The following GOSR2 variants were observed in gnomAD, a reference collection of about 807,000 sequenced individuals.
GOSR2 encodes golgi SNAP receptor complex member 2.
GOSR2 carries 20 observed loss-of-function variants against 27.9 expected under a neutral mutation model. The ratio of observed to expected loss-of-function variants is 0.72; its 90% CI spans 0.50 to 1.04. GOSR2 has a LOEUF of 1.04. Ranked by LOEUF, GOSR2 falls within the 50% of genes least tolerant of loss-of-function variation. The probability of loss-of-function intolerance (pLI) is 0.00; values close to 1 mark genes in which losing one functional copy is unlikely to be tolerated. For synonymous variants in GOSR2, 91 were observed against 98.8 expected, an observed-to-expected ratio of 0.92 and a Z score of 0.47; for missense variants, 261 against 270.5, an observed-to-expected ratio of 0.97 and a Z score of 0.25.
downstream of GOSR2, among the ~76,000 whole-genome samples, chr17:46,943,164 TC>T (rs1472988599): frequency 1.3e-5 from 2 of 151,914 alleles, no homozygotes; most frequent in African/African-American, 4.8e-5. Context: ...CCCATGCACT[TC>T]CCCTGGCCGC....
At position 46,940,646 on chromosome 17, in the gene GOSR2, TC is replaced by T; in HGVS notation, c.*1890del. On this transcript the variant is annotated 3_prime_UTR_variant, in exon 6 of 6. Transcript: ENST00000640051. ...GTTCTTGAACTCTGGGAGGCAGAAG[TC>T]CCCGCACCCATCATGCGTGGACTGA... The T allele has an allele frequency of 6.2e-7, 1 of 1,613,804 alleles. No homozygotes were observed. The highest frequency in any genetic ancestry group is 8.5e-7 in the Non-Finnish European group (1 of 1,179,930).
At chr17:46,933,790 T>C (rs931004586) in intron 4 of GOSR2, among the ~76,000 whole-genome samples, 10 of 151,612 alleles carry the variant, frequency 6.6e-5, no homozygotes, top group Non-Finnish European at 1.3e-4. Flanking sequence ...TGGTGAGACA[T>C]TGTCTCTACA....
At position 46,941,048 on chromosome 17, in the gene GOSR2, A is replaced by C. The variant is rs1599076972; in HGVS notation, c.*2288A>C. The C allele has an allele frequency of 3.7e-6, 4 of 1,068,844 alleles. No homozygotes were observed. The highest frequency in any genetic ancestry group is 3.4e-6 in the Non-Finnish European group (3 of 878,950). 66.2% of individuals were successfully genotyped at this position (1,068,844 alleles called of 1,614,324 possible). A position where few individuals can be genotyped will look rare whatever the true frequency, so the allele number is the denominator to read the frequency against. ...TTCTTAGGTCGAGCTGATGCAAGAA[A>C]CTCCGGTAGCCAGCCTCTGTGACCT... On this transcript the variant is annotated 3_prime_UTR_variant, in exon 6 of 6. Transcript: ENST00000640051.
chr17:46,963,481 G>T (rs1342788897), intron 6 of GOSR2, among the ~76,000 whole-genome samples: 8 of 151,206 alleles, frequency 5.3e-5, no homozygotes. Context: ...GGAGGTGGAG[G>T]TTACAGTGAG....
chr17:46,961,057 A>T (rs1283490705), intron 6 of GOSR2, among the ~76,000 whole-genome samples: 1 of 152,236 alleles, frequency 6.6e-6, no homozygotes, highest in Non-Finnish European at 1.5e-5. Flanking sequence ...GGAATAAAAT[A>T]CTAGACAAAA....
downstream of GOSR2, among the ~76,000 whole-genome samples, chr17:46,943,553 G>A (rs959435053): frequency 2.6e-5 from 4 of 152,176 alleles, no homozygotes; most frequent in African/African-American, 9.7e-5. Flanking sequence ...CATACTGCAC[G>A]CTTCCTGCGG....
chr17:46,936,200 T>TA (rs1476242322), intron 5 of GOSR2: 2 of 985,512 alleles, frequency 2.0e-6, no homozygotes, highest in Non-Finnish European at 2.4e-6. Context: ...CCTGAACTGA[T>TA]ACATGTTGAT....
Position 46,940,934 on chromosome 17 carries a change from G to A in GOSR2, c.*2174G>A. The A allele has an allele frequency of 7.8e-7, 1 of 1,288,736 alleles. No individual in the cohort carries two copies. Among genetic ancestry groups the A allele is most frequent in the Non-Finnish European group, 9.9e-7 (1 of 1,007,468 alleles). The allele number at this position is 1,288,736 out of a possible 1,614,324, so 79.8% of individuals were successfully genotyped here. A position where few individuals can be genotyped will look rare whatever the true frequency, so the allele number is the denominator to read the frequency against. On this transcript the variant is annotated 3_prime_UTR_variant, in exon 6 of 6. Coordinates refer to ENST00000640051, the MANE Select transcript of GOSR2 (RefSeq NM_004287.5). ...CAGTGCCTGGTGAAAAATAGACCTTGGCCTAACAGTGTGACTCTCTCCACC... is the reference window on the plus strand; with the variant it reads ...CAGTGCCTGGTGAAAAATAGACCTTAGCCTAACAGTGTGACTCTCTCCACC...
At chr17:46,951,584 CTT>C (rs1302207829) in intron 6 of GOSR2, among the ~76,000 whole-genome samples, 1 of 152,186 alleles carries the variant, frequency 6.6e-6, no homozygotes, top group Non-Finnish European at 1.5e-5. Context: ...TTCCCAGGGA[CTT>C]TCTTTTGCCC....
chr17:46,965,211 C>G (rs1181669295), intron 6 of GOSR2, among the ~76,000 whole-genome samples: 1 of 152,232 alleles, frequency 6.6e-6, no homozygotes, highest in East Asian at 1.9e-4. Flanking sequence ...GGGGGCAGCT[C>G]TGCCTTCTCA....
chr17:46,958,569 C>A (rs1407680936), intron 6 of GOSR2, among the ~76,000 whole-genome samples: 1 of 152,184 alleles, frequency 6.6e-6, no homozygotes, highest in Non-Finnish European at 1.5e-5. Context: ...TTTTGAGCTG[C>A]TTAGAGGCCT....
chr17:46,939,259 C>G lies in GOSR2; in HGVS notation c.*499C>G, dbSNP rs1194398576. On this transcript the variant is annotated 3_prime_UTR_variant, in exon 6 of 6. Transcript: ENST00000640051. Reference sequence around the variant, plus strand: ...ATTCACATCCTCGTGCTCCTGGCCACCCTCCCCTGTGCCTCAGTGACATGT... The same window carrying G: ...ATTCACATCCTCGTGCTCCTGGCCAGCCTCCCCTGTGCCTCAGTGACATGT... 1 of 1,036,714 alleles carries G rather than the reference C, an allele frequency of 9.6e-7. No individual in the cohort carries two copies. Among genetic ancestry groups the G allele is most frequent in the Admixed American group, 4.9e-5 (1 of 20,428 alleles). 64.2% of individuals were successfully genotyped at this position (1,036,714 alleles called of 1,614,324 possible).
At chr17:46,974,451 T>G (rs2091425360) in intron 6 of GOSR2, among the ~76,000 whole-genome samples, 1 of 152,134 alleles carries the variant, frequency 6.6e-6, no homozygotes, top group South Asian at 2.1e-4. Context: ...GGAGGTCATC[T>G]CCGCCGGGCG....
At chr17:46,945,597 G>A (rs181320220), downstream of GOSR2, among the ~76,000 whole-genome samples, 51 of 152,292 alleles carry the variant, frequency 3.3e-4, no homozygotes, top group Middle Eastern at 3.4e-3. Context: ...GAGAGGAACA[G>A]GCGTGGGCTA....
chr17:46,937,735 C>T (rs748872426), intron 5 of GOSR2: 1 of 152,242 alleles, frequency 6.6e-6, no homozygotes, highest in African/African-American at 2.4e-5. Context: ...AAGGTTCATT[C>T]ATATTGTTAC....
intron 6 of GOSR2, among the ~76,000 whole-genome samples, chr17:46,954,801 G>T (rs2090601878): frequency 6.6e-6 from 1 of 152,180 alleles, no homozygotes; most frequent in Non-Finnish European, 1.5e-5. Context: ...GTGAATGGGA[G>T]TTCACTCATG....
chr17:46,938,898 G>T lies in GOSR2; in HGVS notation c.*138G>T. The T allele has an allele frequency of 6.5e-7, 1 of 1,536,790 alleles. No homozygotes were observed. Among genetic ancestry groups the T allele is most frequent in the Non-Finnish European group, 8.7e-7 (1 of 1,143,800 alleles). ...TGTGAAGACACTTGGGAGTGATTGT[G>T]GTCTAATTTCCAACCTGCTCTGTTT... On this transcript the variant is annotated 3_prime_UTR_variant, in exon 6 of 6. Transcript: ENST00000640051.
At chr17:46,953,492 GTGCCGC>G (rs2090510960) in intron 6 of GOSR2, among the ~76,000 whole-genome samples, 1 of 152,148 alleles carries the variant, frequency 6.6e-6, no homozygotes, top group Non-Finnish European at 1.5e-5. Context: ...ATTGTGAATA[GTGCCGC>G]AATAAACATA....
chr17:46,951,723 C>T lies in GOSR2; in HGVS notation c.583+13019C>T, dbSNP rs192262150. On this transcript the variant is annotated intron_variant, in intron 6 of 6. Coordinates refer to the GOSR2 transcript ENST00000573224. Reference sequence around the variant, plus strand: ...GTTGCCCCAAAGTCAGATAGTGACACAAGAGGAAAAGGAAACCTCTAATTT... The same window carrying T: ...GTTGCCCCAAAGTCAGATAGTGACATAAGAGGAAAAGGAAACCTCTAATTT... Among the ~76,000 whole-genome samples, 5 of 152,244 alleles carry T rather than the reference C, an allele frequency of 3.3e-5. No individual in the cohort carries two copies. In the East Asian group the frequency reaches 9.7e-4, roughly 29 times the overall value.
Sources: allele counts gnomAD v4.1 joint callset (sites outside exome capture counted in the v4.1 genomes callset), GRCh38; gene constraint gnomAD v4.1.1; transcripts MANE v1.5; gene names NCBI Gene and HGNC (gene_info 2026-07-23, HGNC 2026-07-21).